The following UNC5C variants were observed in gnomAD, a reference collection of about 807,000 sequenced individuals.
UNC5C encodes netrin receptor UNC5C.
A neutral mutation model predicts 99.8 loss-of-function variants in UNC5C; 47 were observed. The ratio of observed to expected loss-of-function variants is 0.47; its 90% CI spans 0.37 to 0.60. The LOEUF (loss-of-function observed/expected upper bound fraction) is 0.60. Ranked by LOEUF, UNC5C falls within the 20% of genes least tolerant of loss-of-function variation. The probability of loss-of-function intolerance (pLI) is 0.00; values close to 1 mark genes in which losing one functional copy is unlikely to be tolerated. For missense variants in UNC5C, 1,062 were observed against 1,165.9 expected, an observed-to-expected ratio of 0.91 and a Z score of 1.30; for synonymous variants, 487 against 452.2, an observed-to-expected ratio of 1.08 and a Z score of -0.98.
intron 1 of UNC5C, among the ~76,000 whole-genome samples, chr4:95,360,753 T>C (rs1255553369): frequency 1.3e-5 from 2 of 152,188 alleles, no homozygotes; most frequent in Non-Finnish European, 2.9e-5. Flanking sequence ...GGTGGATTTC[T>C]TTGAACGGTA....
chr4:95,400,940 C>T (rs1282235166), intron 1 of UNC5C, among the ~76,000 whole-genome samples: 1 of 152,226 alleles, frequency 6.6e-6, no homozygotes, highest in Non-Finnish European at 1.5e-5. Context: ...ACTAATACAG[C>T]TGCCAAATCA....
chr4:95,454,783 T>C (rs1476848231), intron 1 of UNC5C, among the ~76,000 whole-genome samples: 1 of 152,142 alleles, frequency 6.6e-6, no homozygotes, highest in Non-Finnish European at 1.5e-5. Context: ...AATGATTTTC[T>C]GGTTGTCATT....
intron 1 of UNC5C, among the ~76,000 whole-genome samples, chr4:95,438,221 C>T (rs1746845828): frequency 6.6e-6 from 1 of 151,986 alleles, no homozygotes; most frequent in Admixed American, 6.6e-5. Flanking sequence ...TGGTGAGGAC[C>T]CTGGACCTGA....
intron 7 of UNC5C, among the ~76,000 whole-genome samples, chr4:95,232,501 A>C (rs1008006745): frequency 5.3e-5 from 8 of 152,112 alleles, no homozygotes; most frequent in African/African-American, 1.9e-4. Flanking sequence ...AGCAAGAAGA[A>C]AATTGAGCTT....
At chr4:95,350,393 A>T (rs950634689) in intron 1 of UNC5C, among the ~76,000 whole-genome samples, 1 of 152,074 alleles carries the variant, frequency 6.6e-6, no homozygotes, top group Non-Finnish European at 1.5e-5. Context: ...AGGCTGAGGC[A>T]GGAGAATCAC....
At chr4:95,231,625 C>A (rs1365384788) in intron 7 of UNC5C, among the ~76,000 whole-genome samples, 1 of 152,094 alleles carries the variant, frequency 6.6e-6, no homozygotes, top group Non-Finnish European at 1.5e-5. Context: ...TTTTTTCACC[C>A]CAATTACATT....
chr4:95,292,238 TATA>T (rs1741496386), intron 3 of UNC5C, among the ~76,000 whole-genome samples: 1 of 30,952 alleles, frequency 3.2e-5, no homozygotes, highest in African/African-American at 1.9e-4. Flanking sequence ...CACACACACA[TATA>T]TATATATATA....
chr4:95,266,481 T>C (rs1205671852), intron 4 of UNC5C, among the ~76,000 whole-genome samples: 1 of 152,236 alleles, frequency 6.6e-6, no homozygotes, highest in African/African-American at 2.4e-5. Flanking sequence ...ATATGGTATG[T>C]TCCCAGAAAA....
chr4:95,309,990 C>T (rs1008169970), intron 2 of UNC5C, among the ~76,000 whole-genome samples: 4 of 152,144 alleles, frequency 2.6e-5, no homozygotes, highest in East Asian at 1.9e-4. Context: ...CCCCTACATT[C>T]GCTGCAGCAC....
At chr4:95,186,552 C>G (rs1266967874) in intron 12 of UNC5C, among the ~76,000 whole-genome samples, 1 of 152,184 alleles carries the variant, frequency 6.6e-6, no homozygotes, top group African/African-American at 2.4e-5. Context: ...GTTAGTGGTT[C>G]TTAATATCTG....
At chr4:95,281,994 G>C (rs1207705496) in intron 3 of UNC5C, among the ~76,000 whole-genome samples, 1 of 152,116 alleles carries the variant, frequency 6.6e-6, no homozygotes, top group Non-Finnish European at 1.5e-5. Flanking sequence ...TGTCCCCTAA[G>C]GGGAAAAGTC....
At chr4:95,458,053 T>A (rs940234672) in intron 1 of UNC5C, among the ~76,000 whole-genome samples, 1 of 152,130 alleles carries the variant, frequency 6.6e-6, no homozygotes, top group African/African-American at 2.4e-5. Flanking sequence ...AAGATCAGTT[T>A]GTGTAGTGTG....
intron 1 of UNC5C, among the ~76,000 whole-genome samples, chr4:95,406,883 T>C (rs1030933809): frequency 6.6e-6 from 1 of 152,248 alleles, no homozygotes; most frequent in African/African-American, 2.4e-5. Flanking sequence ...TTTAAAAATA[T>C]GCTCACTCAA....
intron 1 of UNC5C, among the ~76,000 whole-genome samples, chr4:95,350,148 A>G (rs949537933): frequency 1.3e-5 from 2 of 152,138 alleles, no homozygotes; most frequent in African/African-American, 4.8e-5. Flanking sequence ...ATTTTAGGAT[A>G]TCAGAAACGT....
Position 95,242,590 on chromosome 4 carries a change from T to G in UNC5C, c.947A>C (p.Asp316Ala), listed in dbSNP as rs754860601. 3.8e-6 allele frequency: 6 copies of G among 1,571,890 alleles called. No individual in the cohort carries two copies. The highest frequency in any genetic ancestry group is 1.7e-6 in the Non-Finnish European group (2 of 1,156,544). ...CTTGCTCCATGGCGTCCACCTGCCATCCACTGCCATGGAAAAAATGCAGCA... is the reference window on the plus strand; with the variant it reads ...CTTGCTCCATGGCGTCCACCTGCCAGCCACTGCCATGGAAAAAATGCAGCA... ...KIACTTLCPV[D>A]GRWTPWSKWS... The change falls in exon 7 of 16, where the codon GAT becomes GCT. Residue 316 changes from aspartate (D) to alanine (A), a missense_variant. Transcript: ENST00000453304.
Position 95,245,110 on chromosome 4 carries a change from A to T in UNC5C, c.810T>A (p.Ser270=). ...CTCGTCCACAGCGGCTGTTACACAC[A>T]GACCACTCCGTCCAGGTGGACCAGC... ...NGGWSTWTEW[S]VCNSRCGRGY... The change falls in exon 6 of 16, where the codon TCT becomes TCA. Residue 270 remains serine (S), a synonymous_variant. Transcript: ENST00000453304. The T allele has an allele frequency of 1.9e-6, 3 of 1,613,594 alleles. No individual in the cohort carries two copies. The highest frequency in any genetic ancestry group is 2.5e-6 in the Non-Finnish European group (3 of 1,179,862).
chr4:95,214,423 C>A (rs969684238), intron 10 of UNC5C, among the ~76,000 whole-genome samples: 1 of 152,200 alleles, frequency 6.6e-6, no homozygotes, highest in Non-Finnish European at 1.5e-5. Flanking sequence ...TTATAGTTTC[C>A]GTTTCATTAT....
intron 4 of UNC5C, among the ~76,000 whole-genome samples, chr4:95,252,235 T>C (rs1739773017): frequency 6.6e-6 from 1 of 152,208 alleles, no homozygotes; most frequent in African/African-American, 2.4e-5. Flanking sequence ...ATCTCTTTGA[T>C]GATAATTAAA....
At chr4:95,507,160 C>G (rs923330378) in intron 1 of UNC5C, among the ~76,000 whole-genome samples, 4 of 151,868 alleles carry the variant, frequency 2.6e-5, no homozygotes, top group African/African-American at 9.7e-5. Flanking sequence ...ATCAAACATA[C>G]TTTTTTAAAT....
Sources: allele counts gnomAD v4.1 joint callset (sites outside exome capture counted in the v4.1 genomes callset), GRCh38; gene constraint gnomAD v4.1.1; transcripts MANE v1.5; gene names NCBI Gene and HGNC (gene_info 2026-07-23, HGNC 2026-07-21).